The following ZNF516 variants were observed in gnomAD, a reference collection of about 807,000 sequenced individuals.
The protein encoded by ZNF516 is zinc finger protein 516.
Under a neutral mutation model 79.7 loss-of-function variants are expected in ZNF516, and 19 were observed. The observed-to-expected ratio is 0.24, with a 90% confidence interval of 0.17 to 0.35. ZNF516 has a LOEUF of 0.35. ZNF516 is among the 10% of genes least tolerant of loss of function. ZNF516 has a pLI of 1.00. For synonymous variants in ZNF516, 877 were observed against 739.5 expected, an observed-to-expected ratio of 1.19 and a Z score of -3.02; for missense variants, 1,678 against 1,679.5, an observed-to-expected ratio of 1.00 and a Z score of 0.02.
intron 2 of ZNF516, among the ~76,000 whole-genome samples, chr18:76,449,311 C>T (rs925080093): frequency 2.6e-5 from 4 of 152,204 alleles, no homozygotes; most frequent in South Asian, 2.1e-4. Context: ...AGCCCTACTC[C>T]GGCCCAACAG....
chr18:76,360,646 A>AAAAAAAATATATATAT lies in ZNF516; in HGVS notation c.*1851_*1852insATATATATATTTTTTT, dbSNP rs373540251. ...AAAAAAATAAGTAAAAAAAAAAAAA[A>AAAAAAAATATATATAT]ATATATATATATATATATATATATA... On this transcript the variant is annotated 3_prime_UTR_variant, in exon 7 of 7. Transcript: ENST00000443185. 1.4e-5 allele frequency: 1 copy of AAAAAAAATATATATAT among 72,464 alleles called. No individual in the cohort carries two copies. Among genetic ancestry groups the AAAAAAAATATATATAT allele is most frequent in the Non-Finnish European group, 2.7e-5 (1 of 36,928 alleles). The allele number at this position is 72,464 out of a possible 1,614,324, so 4.5% of individuals were successfully genotyped here.
At chr18:76,480,559 G>A (rs1275918934) in intron 1 of ZNF516, among the ~76,000 whole-genome samples, 1 of 147,128 alleles carries the variant, frequency 6.8e-6, no homozygotes, top group African/African-American at 2.5e-5. Flanking sequence ...GTCTTGCTCT[G>A]TCGCCCAGAC....
At chr18:76,375,274 G>C (rs940369090) in intron 4 of ZNF516, among the ~76,000 whole-genome samples, 1 of 152,208 alleles carries the variant, frequency 6.6e-6, no homozygotes, top group Non-Finnish European at 1.5e-5. Flanking sequence ...AGACCAAATA[G>C]AGGATGGATG....
chr18:76,468,951 C>G (rs2145717525), intron 1 of ZNF516, among the ~76,000 whole-genome samples: 1 of 152,310 alleles, frequency 6.6e-6, no homozygotes, highest in East Asian at 1.9e-4. Flanking sequence ...AGGTCCTGAA[C>G]CACTAAACCA....
At chr18:76,441,078 T>C (rs1364222735) in intron 3 of ZNF516, among the ~76,000 whole-genome samples, 167 bp downstream of exon 3, 1 of 151,934 alleles carries the variant, frequency 6.6e-6, no homozygotes, top group Non-Finnish European at 1.5e-5. Context: ...GCCACCCGGG[T>C]GTGGAGTCCT....
intron 1 of ZNF516, chr18:76,490,752 A>T: frequency 1.0e-6 from 1 of 985,242 alleles, no homozygotes; most frequent in South Asian, 4.7e-5. Context: ...TGTAAGTAGG[A>T]TCCCCACTAA....
At chr18:76,448,305 C>T (rs1230327873) in intron 2 of ZNF516, among the ~76,000 whole-genome samples, 2 of 152,146 alleles carry the variant, frequency 1.3e-5, no homozygotes, top group East Asian at 1.9e-4. Flanking sequence ...CTCCAGATTA[C>T]TTACATTTGC....
intron 3 of ZNF516, 50 bp from the exon 4 acceptor site, chr18:76,380,353 A>G (rs2074871188): frequency 1.3e-6 from 2 of 1,583,466 alleles, no homozygotes; most frequent in Non-Finnish European, 1.7e-6. Context: ...TCATCAGAAC[A>G]CAGCAAGACA....
chr18:76,433,886 C>T lies in ZNF516; in HGVS notation c.1810+7359G>A, dbSNP rs116477524. Among the ~76,000 whole-genome samples, 386 of 152,304 alleles carry T rather than the reference C, an allele frequency of 2.5e-3. 2 individuals carry two copies. Among genetic ancestry groups the T allele is most frequent in the African/African-American group, 8.6e-3 (356 of 41,562 alleles). On this transcript the variant is annotated intron_variant, in intron 3 of 6. Transcript: ENST00000443185. ...AGCTCAGCAGCAAGGCATCATCTCA[C>T]AGTGCCACGTCCCCAGCTCCACAGG...
intron 1 of ZNF516, among the ~76,000 whole-genome samples, chr18:76,475,704 ACACTGGG>A (rs1356487730): frequency 6.6e-6 from 1 of 152,170 alleles, no homozygotes; most frequent in Non-Finnish European, 1.5e-5. Context: ...TGCTCTGGCC[ACACTGGG>A]CACTGGGCAT....
intron 1 of ZNF516, among the ~76,000 whole-genome samples, chr18:76,485,487 G>A (rs536098537): frequency 1.1e-4 from 16 of 152,300 alleles, no homozygotes; most frequent in Admixed American, 7.8e-4. Flanking sequence ...GGACACACGT[G>A]TGGATGAATA....
At chr18:76,431,497 C>T (rs1188099349) in intron 3 of ZNF516, among the ~76,000 whole-genome samples, 3 of 152,210 alleles carry the variant, frequency 2.0e-5, no homozygotes. Context: ...CCCGGCATGA[C>T]GGGGCTTGGA....
intron 1 of ZNF516, among the ~76,000 whole-genome samples, chr18:76,471,484 A>C (rs1696263617): frequency 1.3e-5 from 2 of 152,058 alleles, no homozygotes; most frequent in Admixed American, 1.3e-4. Context: ...CCCATCTGTG[A>C]AATGTGTCAT....
At chr18:76,445,541 G>A (rs1911990241) in intron 2 of ZNF516, among the ~76,000 whole-genome samples, 1 of 152,138 alleles carries the variant, frequency 6.6e-6, no homozygotes, top group Non-Finnish European at 1.5e-5. Context: ...ATCTAACTTA[G>A]TGACTGGATG....
At chr18:76,488,141 C>G (rs908572159) in intron 1 of ZNF516, 1 of 985,288 alleles carries the variant, frequency 1.0e-6, no homozygotes, top group African/African-American at 1.7e-5. Flanking sequence ...CCCACTCAGA[C>G]CCCACAACGG....
chr18:76,471,123 G>A (rs1468996339), intron 1 of ZNF516, among the ~76,000 whole-genome samples: 1 of 151,820 alleles, frequency 6.6e-6, no homozygotes, highest in Non-Finnish European at 1.5e-5. Flanking sequence ...TTGGGCAGAA[G>A]AAACAAGAAA....
chr18:76,417,496 A>G (rs1266922574), intron 3 of ZNF516, among the ~76,000 whole-genome samples: 15 of 152,246 alleles, frequency 9.9e-5, no homozygotes. Context: ...CTTTGTAAAC[A>G]TATTTAAATA....
chr18:76,469,203 C>A (rs1355051724), intron 1 of ZNF516, among the ~76,000 whole-genome samples: 1 of 152,160 alleles, frequency 6.6e-6, no homozygotes, highest in Non-Finnish European at 1.5e-5. Flanking sequence ...CTTCTCCCAG[C>A]AAAATATAAA....
At chr18:76,482,260 G>T (rs143056365) in intron 1 of ZNF516, among the ~76,000 whole-genome samples, 1 of 152,166 alleles carries the variant, frequency 6.6e-6, no homozygotes, top group Non-Finnish European at 1.5e-5. Context: ...ATCCTAAGAC[G>T]TACATATGTG....
Sources: gnomAD v4.1 joint callset for allele counts (sites outside exome capture counted in the v4.1 genomes callset) on GRCh38, gnomAD v4.1.1 for gene constraint, MANE v1.5 for transcripts, NCBI Gene and HGNC (gene_info 2026-07-23, HGNC 2026-07-21) for gene names.